Variants in CACNA1D observed in about 807,000 individuals in gnomAD.
CACNA1D encodes voltage-dependent L-type calcium channel subunit alpha-1D.
In CACNA1D, 55 loss-of-function variants were observed where a neutral mutation model predicts 257.1. The ratio of observed to expected loss-of-function variants is 0.21; its 90% CI spans 0.17 to 0.27. The LOEUF (loss-of-function observed/expected upper bound fraction) is 0.27. Ranked by LOEUF, CACNA1D falls within the 10% of genes least tolerant of loss-of-function variation. CACNA1D has a pLI of 1.00. For missense variants in CACNA1D, 1,876 were observed against 2,784.0 expected, an observed-to-expected ratio of 0.67 and a Z score of 7.34; for synonymous variants, 980 against 1,014.9, an observed-to-expected ratio of 0.97 and a Z score of 0.65.
intron 3 of CACNA1D, among the ~76,000 whole-genome samples, chr3:53,590,244 C>T (rs969091991): frequency 1.3e-5 from 2 of 152,260 alleles, no homozygotes; most frequent in Non-Finnish European, 2.9e-5. Flanking sequence ...CTTGGAGCTT[C>T]TAGACCGTGT....
At chr3:53,587,258 C>T (rs1368219162) in intron 3 of CACNA1D, among the ~76,000 whole-genome samples, 1 of 152,100 alleles carries the variant, frequency 6.6e-6, no homozygotes, top group East Asian at 1.9e-4. Flanking sequence ...GTGCTGTAGA[C>T]TCTGGGGTGA....
At chr3:53,746,889 G>T (rs1214469857) in intron 25 of CACNA1D, among the ~76,000 whole-genome samples, 1 of 152,226 alleles carries the variant, frequency 6.6e-6, no homozygotes, top group Non-Finnish European at 1.5e-5. Flanking sequence ...AAAGGGATTT[G>T]ATTAAAACTA....
chr3:53,639,391 T>TC (rs1454006710), intron 3 of CACNA1D, among the ~76,000 whole-genome samples: 3 of 141,244 alleles, frequency 2.1e-5, no homozygotes, highest in Non-Finnish European at 3.1e-5. Flanking sequence ...TCTCTCTCTC[T>TC]TTTTTTTTTT....
intron 3 of CACNA1D, among the ~76,000 whole-genome samples, chr3:53,618,480 C>T (rs1490024267): frequency 1.3e-5 from 2 of 152,224 alleles, no homozygotes; most frequent in African/African-American, 4.8e-5. Context: ...CTGTCCACTG[C>T]TCAGAAACCT....
chr3:53,644,981 CACTT>C (rs2094003796), intron 3 of CACNA1D, among the ~76,000 whole-genome samples: 1 of 152,224 alleles, frequency 6.6e-6, no homozygotes, highest in Non-Finnish European at 1.5e-5. Context: ...TCTTTGCCAA[CACTT>C]ATCACTTGTC....
intron 3 of CACNA1D, among the ~76,000 whole-genome samples, chr3:53,549,046 T>C (rs1026958133): frequency 5.3e-5 from 8 of 152,220 alleles, no homozygotes; most frequent in East Asian, 3.8e-4. Context: ...AGTCTGGTTA[T>C]GTACAGGGCT....
chr3:53,756,034 C>G (rs1448519897), intron 29 of CACNA1D, among the ~76,000 whole-genome samples: 1 of 152,100 alleles, frequency 6.6e-6, no homozygotes, highest in East Asian at 1.9e-4. Flanking sequence ...TAAAAGGGTC[C>G]CTCATGGCAG....
At chr3:53,708,959 G>A (rs1451259462) in intron 9 of CACNA1D, among the ~76,000 whole-genome samples, 1 of 152,108 alleles carries the variant, frequency 6.6e-6, no homozygotes, top group East Asian at 1.9e-4. Flanking sequence ...CAAAATGTTG[G>A]CTCTTTTCAA....
intron 30 of CACNA1D, among the ~76,000 whole-genome samples, chr3:53,767,952 G>A (rs948047440): frequency 5.3e-5 from 8 of 152,074 alleles, no homozygotes; most frequent in African/African-American, 1.2e-4. Context: ...TCCCTCCCTC[G>A]CATGTTGTGC....
intron 32 of CACNA1D, 45 bp downstream of exon 32, chr3:53,770,597 T>C (rs1265005238): frequency 6.3e-7 from 1 of 1,598,932 alleles, no homozygotes; most frequent in Non-Finnish European, 8.6e-7. Flanking sequence ...TTGAAGATCA[T>C]ATGTAAGTCA....
chr3:53,713,597 C>T lies in CACNA1D; in HGVS notation c.1391-4704C>T, dbSNP rs148868170. On this transcript the variant is annotated intron_variant, in intron 9 of 47. Transcript: ENST00000350061. Reference sequence around the variant, plus strand: ...TGACACATTTGGCTGAGACGAATGTCGTCCTTCAGCATGAGAGTAGATGGA... The same window carrying T: ...TGACACATTTGGCTGAGACGAATGTTGTCCTTCAGCATGAGAGTAGATGGA... 3.4e-3 allele frequency among the ~76,000 whole-genome samples: 518 copies of T among 151,390 alleles called. 3 individuals are homozygous for T. Among genetic ancestry groups the T allele is most frequent in the African/African-American group, 0.012 (497 of 41,074 alleles).
At position 53,642,491 on chromosome 3, in the gene CACNA1D, G is replaced by T. The variant is rs1243387124; in HGVS notation, c.484-8288G>T. ...GTTCCTGGGGGAAGGTCAGGGTGCT[G>T]TTACCCTTGGAGTTTTGCTGGGTGG... On this transcript the variant is annotated intron_variant, in intron 3 of 47. Coordinates refer to ENST00000350061, the MANE Select transcript of CACNA1D (RefSeq NM_001128840.3). Among the ~76,000 whole-genome samples the T allele has an allele frequency of 2.6e-5, 4 of 152,244 alleles. No individual in the cohort carries two copies. In the South Asian group the frequency reaches 8.3e-4, roughly 32 times the overall value.
rs560155572 is a variant in CACNA1D, at chr3:53,789,020, G to T, written c.4923+2068G>T. On this transcript the variant is annotated intron_variant, in intron 40 of 47. Transcript: ENST00000350061. This position sits in a 1 kb window ranked among gnomAD's most constrained non-coding sequence, Gnocchi z 4.2. ...CAGCTAAGTCATTACCAGGTTTCAC[G>T]TATGGGGTTTACTGAGTCTTAAGTT... Among the ~76,000 whole-genome samples the T allele has an allele frequency of 1.3e-5, 2 of 152,148 alleles. No individual in the cohort carries two copies. The highest frequency in any genetic ancestry group is 2.9e-5 in the Non-Finnish European group (2 of 68,036).
Position 53,572,382 on chromosome 3 carries a change from A to G in CACNA1D, c.483+70662A>G, listed in dbSNP as rs749460265. 1.2e-3 allele frequency among the ~76,000 whole-genome samples: 128 copies of G among 107,830 alleles called. No homozygotes were observed. The East Asian group carries it at 0.014, about 12-fold the overall frequency. The allele number at this position is 107,830 out of a possible 152,430, so 70.7% of individuals were successfully genotyped here. A position where few individuals can be genotyped will look rare whatever the true frequency, so the allele number is the denominator to read the frequency against. On this transcript the variant is annotated intron_variant, in intron 3 of 47. Coordinates refer to ENST00000350061, the MANE Select transcript of CACNA1D (RefSeq NM_001128840.3). ...GGTTTGTTTGTTTGTTTGTTTATTT[A>G]TTTATTTATTTATTTATTTATTTAT...
chr3:53,705,696 G>A (rs1559544197), intron 9 of CACNA1D, among the ~76,000 whole-genome samples: 1 of 152,160 alleles, frequency 6.6e-6, no homozygotes, highest in Non-Finnish European at 1.5e-5. Flanking sequence ...AGAAATCTTG[G>A]CTGTGGAGGC....
At chr3:53,540,003 T>C (rs2092252569) in intron 3 of CACNA1D, among the ~76,000 whole-genome samples, 1 of 152,228 alleles carries the variant, frequency 6.6e-6, no homozygotes, top group African/African-American at 2.4e-5. Flanking sequence ...TTTTGATTGG[T>C]TGGGTGTGTT....
At chr3:53,547,113 T>C (rs2092429092) in intron 3 of CACNA1D, among the ~76,000 whole-genome samples, 1 of 152,218 alleles carries the variant, frequency 6.6e-6, no homozygotes, top group Non-Finnish European at 1.5e-5. Context: ...TGTCCAGGAT[T>C]ATTTGCTGAA....
intron 4 of CACNA1D, among the ~76,000 whole-genome samples, chr3:53,658,601 G>T (rs902389832): frequency 1.3e-5 from 2 of 152,238 alleles, no homozygotes; most frequent in African/African-American, 2.4e-5. Flanking sequence ...GAAAATTCCT[G>T]TGGCTTGCAC....
chr3:53,644,948 A>G (rs1304165393), intron 3 of CACNA1D, among the ~76,000 whole-genome samples: 4 of 152,352 alleles, frequency 2.6e-5, no homozygotes, highest in East Asian at 1.9e-4. Context: ...TCAACAGTGT[A>G]CAAAGCTTCC....
Sources: gnomAD v4.1 joint callset for allele counts (sites outside exome capture counted in the v4.1 genomes callset) on GRCh38, gnomAD v4.1.1 for gene constraint, Gnocchi (gnomAD v3.1) non-coding constraint, MANE v1.5 for transcripts, NCBI Gene and HGNC (gene_info 2026-07-23, HGNC 2026-07-21) for gene names.